The following OXR1 variants were observed in gnomAD, a reference collection of about 807,000 sequenced individuals.
The protein encoded by OXR1 is oxidation resistance protein 1.
Under a neutral mutation model 104.6 loss-of-function variants are expected in OXR1, and 41 were observed. That is an observed-to-expected ratio of 0.39 (90% CI 0.31 to 0.51). The LOEUF (loss-of-function observed/expected upper bound fraction) is 0.51, where lower values mean the gene tolerates loss of function less well. Ranked by LOEUF, OXR1 falls within the 20% of genes least tolerant of loss-of-function variation. The pLI, the probability that OXR1 is intolerant of heterozygous loss-of-function variation, is 0.77. For synonymous variants in OXR1, 348 were observed against 348.4 expected, an observed-to-expected ratio of 1.00 and a Z score of 0.01; for missense variants, 955 against 1,031.9, an observed-to-expected ratio of 0.93 and a Z score of 1.02.
At chr8:106,541,878 C>T (rs1814979176) in intron 3 of OXR1, among the ~76,000 whole-genome samples, 1 of 152,178 alleles carries the variant, frequency 6.6e-6, no homozygotes, top group Admixed American at 6.5e-5. Context: ...ACATTTTACC[C>T]AGGCCCAGTG....
chr8:106,674,645 C>A (rs1457934347), intron 3 of OXR1, among the ~76,000 whole-genome samples: 2 of 152,086 alleles, frequency 1.3e-5, no homozygotes, highest in Non-Finnish European at 2.9e-5. Flanking sequence ...TGTCCCCACC[C>A]AAATCTCATC....
intron 1 of OXR1, among the ~76,000 whole-genome samples, chr8:106,324,958 C>T (rs772504390): frequency 6.6e-6 from 1 of 152,066 alleles, no homozygotes; most frequent in Non-Finnish European, 1.5e-5. Flanking sequence ...GAATCCTGGT[C>T]GTTCAACTTG....
chr8:106,750,986 A>T lies in OXR1; in HGVS notation c.*45A>T. The T allele has an allele frequency of 1.4e-6, 2 of 1,470,986 alleles. No individual in the cohort carries two copies. Among genetic ancestry groups the T allele is most frequent in the Non-Finnish European group, 1.8e-6 (2 of 1,087,074 alleles). 91.1% of individuals were successfully genotyped at this position (1,470,986 alleles called of 1,614,324 possible). On this transcript the variant is annotated 3_prime_UTR_variant, in exon 17 of 17. Coordinates refer to ENST00000517566, the MANE Select transcript of OXR1 (RefSeq NM_001198533.2). Reference sequence around the variant, plus strand: ...AGCAGGAGAATGGCCCAAACCTGACATGGACAAGCATTGTTTGGAAAGTTC... The same window carrying T: ...AGCAGGAGAATGGCCCAAACCTGACTTGGACAAGCATTGTTTGGAAAGTTC...
chr8:106,704,817 G>GT (rs1830985590), intron 8 of OXR1, among the ~76,000 whole-genome samples: 1 of 152,030 alleles, frequency 6.6e-6, no homozygotes, highest in Non-Finnish European at 1.5e-5. Context: ...GTCATTCATT[G>GT]TCAGCTGGAA....
At chr8:106,332,911 G>A (rs1222862889) in intron 1 of OXR1, among the ~76,000 whole-genome samples, 3 of 151,834 alleles carry the variant, frequency 2.0e-5, no homozygotes, top group Non-Finnish European at 4.4e-5. Context: ...GCCCTTTTTT[G>A]TCTGACTTCT....
intron 1 of OXR1, among the ~76,000 whole-genome samples, chr8:106,305,839 T>G (rs1813443182): frequency 6.6e-6 from 1 of 152,158 alleles, no homozygotes; most frequent in African/African-American, 2.4e-5. Flanking sequence ...CTAACGAGGA[T>G]AGAGAGCATT....
intron 2 of OXR1, among the ~76,000 whole-genome samples, chr8:106,473,131 G>A (rs1339850609): frequency 4.6e-5 from 7 of 151,864 alleles, no homozygotes; most frequent in Admixed American, 2.0e-4. Context: ...TTCTCTGAAT[G>A]GGGTAAGTGG....
At chr8:106,630,803 CA>C (rs1342344094) in intron 3 of OXR1, among the ~76,000 whole-genome samples, 2 of 152,138 alleles carry the variant, frequency 1.3e-5, no homozygotes, top group African/African-American at 4.8e-5. Context: ...ATAGAGTTAT[CA>C]AAAACACATT....
chr8:106,600,504 T>C (rs750724871), intron 3 of OXR1, among the ~76,000 whole-genome samples: 2 of 152,162 alleles, frequency 1.3e-5, no homozygotes, highest in Admixed American at 6.5e-5. Flanking sequence ...TTGCCAATCA[T>C]ATTAGTGGTG....
At chr8:106,655,559 G>A (rs1490908040) in intron 3 of OXR1, among the ~76,000 whole-genome samples, 12 of 152,200 alleles carry the variant, frequency 7.9e-5, no homozygotes, top group Non-Finnish European at 1.6e-4. Flanking sequence ...GGTAGGGAGA[G>A]CAACTTGATG....
At chr8:106,307,364 C>G (rs947536625) in intron 1 of OXR1, among the ~76,000 whole-genome samples, 2 of 152,174 alleles carry the variant, frequency 1.3e-5, no homozygotes, top group African/African-American at 4.8e-5. Flanking sequence ...CCTTCATGGT[C>G]TGGCGTCCCC....
chr8:106,601,382 G>A (rs1819958389), intron 3 of OXR1, among the ~76,000 whole-genome samples: 3 of 152,094 alleles, frequency 2.0e-5, no homozygotes. Context: ...TTGGAAGCTG[G>A]AAAGCCCAAG....
intron 3 of OXR1, among the ~76,000 whole-genome samples, chr8:106,571,740 CT>C (rs1400808228): frequency 1.3e-5 from 2 of 152,122 alleles, no homozygotes; most frequent in Non-Finnish European, 2.9e-5. Flanking sequence ...AGCAAAATTG[CT>C]TTCCAGCTAT....
At chr8:106,365,664 T>C (rs1231958010) in intron 2 of OXR1, among the ~76,000 whole-genome samples, 1 of 152,186 alleles carries the variant, frequency 6.6e-6, no homozygotes, top group African/African-American at 2.4e-5. Context: ...ACACTTTAAT[T>C]AAATACACTA....
chr8:106,619,710 C>T lies in OXR1; in HGVS notation c.221-59500C>T, dbSNP rs140265284. Among the ~76,000 whole-genome samples, 241 of 152,164 alleles carry T rather than the reference C, an allele frequency of 1.6e-3. 2 individuals are homozygous for T. The highest frequency in any genetic ancestry group is 0.014 in the Middle Eastern group (4 of 294). On this transcript the variant is annotated intron_variant, in intron 3 of 16. Coordinates refer to ENST00000517566, the MANE Select transcript of OXR1 (RefSeq NM_001198533.2). ...TTAGTATTAAACATGGAGCTGTCAACGCTATAAAAATGTATGAACCCCTTT... is the reference window on the plus strand; with the variant it reads ...TTAGTATTAAACATGGAGCTGTCAATGCTATAAAAATGTATGAACCCCTTT...
chr8:106,577,844 G>A (rs952409855), intron 3 of OXR1, among the ~76,000 whole-genome samples: 2 of 152,110 alleles, frequency 1.3e-5, no homozygotes, highest in East Asian at 3.8e-4. Context: ...TTCACTTCAG[G>A]TACGCTTGTA....
chr8:106,280,920 T>C (rs185341824), intron 1 of OXR1, among the ~76,000 whole-genome samples: 117 of 152,232 alleles, frequency 7.7e-4, no homozygotes, highest in African/African-American at 2.6e-3. Context: ...GGACCTTTAC[T>C]TAGTACTTAT....
intron 3 of OXR1, among the ~76,000 whole-genome samples, chr8:106,647,995 T>C (rs73294426): frequency 1.4e-4 from 21 of 152,366 alleles, no homozygotes; most frequent in African/African-American, 5.0e-4. Flanking sequence ...TATACTTCAA[T>C]GTCTCTGTGT....
chr8:106,561,358 A>G (rs1458321158), intron 3 of OXR1, among the ~76,000 whole-genome samples: 4 of 152,134 alleles, frequency 2.6e-5, no homozygotes, highest in Non-Finnish European at 4.4e-5. Context: ...CAAAGCCACC[A>G]GAAATTTCAT....
Sources: gnomAD v4.1 joint callset for allele counts (sites outside exome capture counted in the v4.1 genomes callset) on GRCh38, gnomAD v4.1.1 for gene constraint, MANE v1.5 for transcripts, NCBI Gene and HGNC (gene_info 2026-07-23, HGNC 2026-07-21) for gene names.